Variants in CPED1 observed in about 807,000 individuals in gnomAD.
CPED1 encodes cadherin like and PC-esterase domain containing 1.
In CPED1, 114 loss-of-function variants were observed where a neutral mutation model predicts 128.2. The ratio of observed to expected loss-of-function variants is 0.89; its 90% CI spans 0.76 to 1.04. The LOEUF (loss-of-function observed/expected upper bound fraction) is 1.04. Ranked by LOEUF, CPED1 falls within the 50% of genes least tolerant of loss-of-function variation. CPED1 has a pLI of 0.00. For missense variants in CPED1, 1,211 were observed against 1,207.1 expected (o/e 1.00, Z -0.05); for synonymous variants, 462 against 426.7 (o/e 1.08, Z -1.02).
At chr7:121,158,374 T>G (rs1796339187) in intron 16 of CPED1, among the ~76,000 whole-genome samples, 1 of 152,130 alleles carries the variant, frequency 6.6e-6, no homozygotes, top group African/African-American at 2.4e-5. Context: ...ATAACCCCAG[T>G]CTGGCATTCA....
At chr7:121,240,931 A>T (rs937166031) in intron 17 of CPED1, among the ~76,000 whole-genome samples, 1 of 152,128 alleles carries the variant, frequency 6.6e-6, no homozygotes, top group Non-Finnish European at 1.5e-5. Flanking sequence ...ATCAACAAAG[A>T]TTAAACTTTA....
intron 3 of CPED1, among the ~76,000 whole-genome samples, chr7:121,018,945 C>T (rs1332073699): frequency 6.6e-6 from 1 of 151,996 alleles, no homozygotes; most frequent in Non-Finnish European, 1.5e-5. Context: ...AGCTTGGAGT[C>T]ATTCTTTTTT....
intron 3 of CPED1, among the ~76,000 whole-genome samples, chr7:121,029,759 G>T (rs868424824): frequency 6.6e-6 from 1 of 151,976 alleles, no homozygotes; most frequent in Non-Finnish European, 1.5e-5. Flanking sequence ...TTTATTTCTT[G>T]TCTTACGGAA....
chr7:121,105,343 T>C (rs1446267033), intron 7 of CPED1, among the ~76,000 whole-genome samples: 1 of 152,154 alleles, frequency 6.6e-6, no homozygotes, highest in African/African-American at 2.4e-5. Flanking sequence ...ATGAGTAATG[T>C]CTTTGGAAGA....
At chr7:121,202,681 T>G (rs1444429349) in intron 16 of CPED1, among the ~76,000 whole-genome samples, 2 of 151,918 alleles carry the variant, frequency 1.3e-5, no homozygotes, top group African/African-American at 2.4e-5. Flanking sequence ...GGACAGAGAG[T>G]ATCCTGTTTC....
rs116431857 is a variant in CPED1 at position 121,079,428 on chromosome 7, C to A, written c.616+15115C>A. Reference sequence around the variant, plus strand: ...CATTTTAAAGTAAGGAAATATTAATCTTTCCTTCCCTTCAGCACCAAGAAC... The same window carrying A: ...CATTTTAAAGTAAGGAAATATTAATATTTCCTTCCCTTCAGCACCAAGAAC... On this transcript the variant is annotated intron_variant, in intron 5 of 22. Coordinates refer to ENST00000310396, the MANE Select transcript of CPED1 (RefSeq NM_024913.5). Among the ~76,000 whole-genome samples the A allele has an allele frequency of 5.5e-3, 843 of 152,350 alleles. 2 individuals carry two copies. The highest frequency in any genetic ancestry group is 0.019 in the African/African-American group (808 of 41,576).
At chr7:121,249,260 T>C (rs1008745123) in intron 18 of CPED1, among the ~76,000 whole-genome samples, 2 of 152,170 alleles carry the variant, frequency 1.3e-5, no homozygotes, top group African/African-American at 4.8e-5. Context: ...TTTGATGATA[T>C]AGTTCATGAA....
chr7:121,093,096 G>A (rs1375772777), intron 5 of CPED1, among the ~76,000 whole-genome samples: 2 of 152,024 alleles, frequency 1.3e-5, no homozygotes, highest in Non-Finnish European at 2.9e-5. Context: ...AGCACAAGAC[G>A]AACACTCATT....
chr7:121,074,509 GTT>G lies in CPED1; in HGVS notation c.616+10213_616+10214del, dbSNP rs1157885862. ...TTCCTTACTAATAAATTTCCTTTGT[GTT>G]TTTTTTTTTTTTTTTTGAGGGCACC... On this transcript the variant is annotated intron_variant, in intron 5 of 22. Transcript: ENST00000310396. Among the ~76,000 whole-genome samples, 737 of 80,852 alleles carry G rather than the reference GTT, an allele frequency of 9.1e-3. 12 individuals carry two copies. The highest frequency in any genetic ancestry group is 0.03 in the African/African-American group (656 of 22,030). The allele number at this position is 80,852 out of a possible 152,430, so 53.0% of individuals were successfully genotyped here. A position where few individuals can be genotyped will look rare whatever the true frequency, so the allele number is the denominator to read the frequency against.
rs948459403 is a variant in CPED1, at chr7:121,028,255, C to G, written c.433+12407C>G. ...TTCCAGGTAATGGTAATATGCTGGT[C>G]CTGGGACCACGTGTTGAGAATGACT... On this transcript the variant is annotated intron_variant, in intron 3 of 22. Transcript: ENST00000310396. 3.9e-5 allele frequency among the ~76,000 whole-genome samples: 6 copies of G among 152,132 alleles called. No individual in the cohort carries two copies. In the South Asian group the frequency reaches 1.2e-3, roughly 31 times the overall value.
chr7:121,191,993 A>G (rs2116531901), intron 16 of CPED1, among the ~76,000 whole-genome samples: 1 of 152,232 alleles, frequency 6.6e-6, no homozygotes. Flanking sequence ...TACATTGAAA[A>G]TATCTTGTGC....
chr7:121,271,204 A>T, intron 21 of CPED1, 80 bp from the exon 22 acceptor site: 2 of 1,145,300 alleles, frequency 1.7e-6, no homozygotes, highest in Non-Finnish European at 2.5e-6. Context: ...AAAGACATTT[A>T]CATAATTTCC....
intron 15 of CPED1, among the ~76,000 whole-genome samples, chr7:121,141,588 C>G (rs1012073164): frequency 6.6e-6 from 1 of 152,004 alleles, no homozygotes; most frequent in Non-Finnish European, 1.5e-5. Flanking sequence ...CAGGACAACC[C>G]GGGTTCCAAA....
chr7:121,231,482 G>A (rs1220225145), intron 16 of CPED1, among the ~76,000 whole-genome samples: 1 of 152,014 alleles, frequency 6.6e-6, no homozygotes, highest in African/African-American at 2.4e-5. Flanking sequence ...TGAAGAGTGG[G>A]GAAATGTTCC....
chr7:121,104,888 T>C (rs892432992), intron 7 of CPED1, among the ~76,000 whole-genome samples: 3 of 152,104 alleles, frequency 2.0e-5, no homozygotes, highest in Non-Finnish European at 4.4e-5. Flanking sequence ...TATAGGTAAA[T>C]ATTATACAAA....
chr7:121,055,535 A>T (rs1793473322), intron 4 of CPED1, among the ~76,000 whole-genome samples: 1 of 151,356 alleles, frequency 6.6e-6, no homozygotes, highest in African/African-American at 2.4e-5. Context: ...AAACACTAAC[A>T]CAAATTACAG....
Position 121,141,027 on chromosome 7 carries a change from A to C in CPED1, c.1886+14A>C. 6.3e-7 allele frequency: 1 copy of C among 1,598,996 alleles called. No individual in the cohort carries two copies. Among genetic ancestry groups the C allele is most frequent in the Non-Finnish European group, 8.5e-7 (1 of 1,174,660 alleles). On this transcript the variant is annotated intron_variant, in intron 15 of 22. Coordinates refer to ENST00000310396, the MANE Select transcript of CPED1 (RefSeq NM_024913.5). The stretch of plus-strand genomic sequence containing the variant: ...GGCAGGGCCAAGGTATGAGATGTTG[A>C]CTGGGGCTGTGTTGAGACACTATAC...
intron 18 of CPED1, among the ~76,000 whole-genome samples, chr7:121,260,120 A>G (rs1791977727): frequency 6.6e-6 from 1 of 151,844 alleles, no homozygotes; most frequent in Non-Finnish European, 1.5e-5. Context: ...CATTCAATAA[A>G]TACTACAACA....
At chr7:121,236,627 T>G (rs1798261292) in intron 16 of CPED1, 87 bp from the exon 17 acceptor site, 1 of 695,572 alleles carries the variant, frequency 1.4e-6, no homozygotes, top group Non-Finnish European at 2.3e-6. Flanking sequence ...TAAAGGTTAT[T>G]TGCCACATAA....
Sources: gnomAD v4.1 joint callset for allele counts (sites outside exome capture counted in the v4.1 genomes callset) on GRCh38, gnomAD v4.1.1 for gene constraint, MANE v1.5 for transcripts, NCBI Gene and HGNC (gene_info 2026-07-23, HGNC 2026-07-21) for gene names.